RBFOX1: variants seen among roughly 807,000 people sequenced by gnomAD.
The protein encoded by RBFOX1 is RNA binding protein fox-1 homolog 1.
RBFOX1 carries 8 observed loss-of-function variants against 57.7 expected under a neutral mutation model. The observed-to-expected ratio is 0.14, with a 90% confidence interval of 0.08 to 0.25. RBFOX1 has a LOEUF of 0.25. Ranked by LOEUF, RBFOX1 falls within the 10% of genes least tolerant of loss-of-function variation. RBFOX1 has a pLI of 1.00. For missense variants in RBFOX1, 611 were observed against 548.5 expected (o/e 1.11, Z -1.14); for synonymous variants, 326 against 222.4 (o/e 1.47, Z -4.15).
At chr16:7,058,941 T>C (rs571913189) in intron 4 of RBFOX1, among the ~76,000 whole-genome samples, 1 of 152,334 alleles carries the variant, frequency 6.6e-6, no homozygotes, top group South Asian at 2.1e-4. Context: ...TGACTGAGTT[T>C]TTTAGAAATA....
At chr16:6,987,527 A>G (rs1254578431) in intron 3 of RBFOX1, among the ~76,000 whole-genome samples, 1 of 151,720 alleles carries the variant, frequency 6.6e-6, no homozygotes. Context: ...CACACATTGC[A>G]AACATAATCA....
chr16:6,306,689 A>G (rs17221544), intron 1 of RBFOX1, among the ~76,000 whole-genome samples: 1 of 151,992 alleles, frequency 6.6e-6, no homozygotes, highest in Non-Finnish European at 1.5e-5. Flanking sequence ...CTCCCAAACA[A>G]TTTTGTGCAA....
intron 2 of RBFOX1, among the ~76,000 whole-genome samples, chr16:6,554,725 GAC>G (rs34699308): frequency 0.018 from 2,719 of 148,244 alleles, 75 homozygotes; most frequent in South Asian, 0.069. Context: ...AGTAGACACA[GAC>G]ACACACACAC....
chr16:7,706,839 C>G (rs572639239), intron 14 of RBFOX1, among the ~76,000 whole-genome samples: 1 of 152,298 alleles, frequency 6.6e-6, no homozygotes, highest in East Asian at 1.9e-4. Context: ...ATGCCTGTTA[C>G]TATGTACTTC....
In RBFOX1 at chr16:6,211,391, G is replaced by A. The variant is rs562593508; in HGVS notation, c.-126-105604G>A. 2.0e-5 allele frequency among the ~76,000 whole-genome samples: 3 copies of A among 151,940 alleles called. No homozygotes were observed. The South Asian group carries it at 6.3e-4, about 32-fold the overall frequency. On this transcript the variant is annotated intron_variant, in intron 1 of 15. Transcript: ENST00000550418. ...CTACAGGTGCCCACCACCACACCCG[G>A]CTAATTTTTTGTACATTTAGTAGAG...
chr16:5,272,483 G>A lies in RBFOX1; in HGVS notation c.219+32378G>A, dbSNP rs573754387. ...CCACGAATGTTGAAGCCCTACCTGAGATTTCTACTGAGATCAGTGTAGGGA... is the reference window on the plus strand; with the variant it reads ...CCACGAATGTTGAAGCCCTACCTGAAATTTCTACTGAGATCAGTGTAGGGA... On this transcript the variant is annotated intron_variant, in intron 1 of 2. Transcript: ENST00000585867. 5.3e-5 allele frequency among the ~76,000 whole-genome samples: 8 copies of A among 152,286 alleles called. No individual in the cohort carries two copies. In the South Asian group the frequency reaches 1.5e-3, roughly 28 times the overall value.
downstream of RBFOX1, among the ~76,000 whole-genome samples, chr16:5,600,416 A>G (rs2047328141): frequency 6.8e-6 from 1 of 147,708 alleles, no homozygotes; most frequent in African/African-American, 2.5e-5. Context: ...AGCCCAGGAG[A>G]TGGAGGCTGC....
intron 4 of RBFOX1, among the ~76,000 whole-genome samples, chr16:7,164,325 A>G (rs147002998): frequency 1.3e-5 from 2 of 152,278 alleles, no homozygotes; most frequent in East Asian, 1.9e-4. Context: ...ATAGTATTCC[A>G]TGGTCTGTAT....
chr16:6,793,380 C>G (rs1603624654), intron 3 of RBFOX1, among the ~76,000 whole-genome samples: 1 of 151,966 alleles, frequency 6.6e-6, no homozygotes, highest in East Asian at 1.9e-4. Flanking sequence ...TGATTGGACT[C>G]TATAGGTTCA....
intron 4 of RBFOX1, among the ~76,000 whole-genome samples, chr16:7,329,537 AAG>A: frequency 6.6e-6 from 1 of 152,348 alleles, no homozygotes; most frequent in South Asian, 2.1e-4. Context: ...TGTTAAGAAA[AAG>A]AGGTTTTGTT....
At chr16:6,755,373 T>C (rs1227678515) in intron 3 of RBFOX1, among the ~76,000 whole-genome samples, 2 of 152,186 alleles carry the variant, frequency 1.3e-5, no homozygotes, top group African/African-American at 4.8e-5. Context: ...TGTTGTTTCC[T>C]GACTTTTTAA....
intron 3 of RBFOX1, among the ~76,000 whole-genome samples, chr16:6,999,660 A>G (rs978723416): frequency 6.6e-6 from 1 of 152,076 alleles, no homozygotes; most frequent in Non-Finnish European, 1.5e-5. Flanking sequence ...TTCCCCATCA[A>G]TATTTTGAAG....
At chr16:7,034,968 C>T (rs897762178) in intron 3 of RBFOX1, among the ~76,000 whole-genome samples, 3 of 149,360 alleles carry the variant, frequency 2.0e-5, no homozygotes, top group African/African-American at 7.5e-5. Context: ...CATTCCTCAG[C>T]CTCTGAGTAG....
intron 2 of RBFOX1, among the ~76,000 whole-genome samples, chr16:5,479,183 A>T (rs563574142): frequency 6.6e-6 from 1 of 152,140 alleles, no homozygotes; most frequent in African/African-American, 2.4e-5. Flanking sequence ...ATCTTCTGTC[A>T]TGGCCTCTGT....
At chr16:6,506,613 C>T (rs1002660178) in intron 2 of RBFOX1, among the ~76,000 whole-genome samples, 1 of 137,442 alleles carries the variant, frequency 7.3e-6, no homozygotes, top group African/African-American at 2.8e-5. Flanking sequence ...TAATAACAAT[C>T]ACAGTAGCTA....
chr16:6,015,237 C>T (rs1264057572), upstream of RBFOX1, among the ~76,000 whole-genome samples: 1 of 152,078 alleles, frequency 6.6e-6, no homozygotes, highest in African/African-American at 2.4e-5. Context: ...TAATATATCA[C>T]TGATAATCTC....
At chr16:7,031,511 A>G (rs1226940814) in intron 3 of RBFOX1, among the ~76,000 whole-genome samples, 2 of 151,836 alleles carry the variant, frequency 1.3e-5, no homozygotes, top group African/African-American at 4.8e-5. Context: ...CAGGAGAATC[A>G]CTTGAACCCG....
At chr16:6,677,231 C>T (rs762234323) in intron 3 of RBFOX1, among the ~76,000 whole-genome samples, 5 of 152,194 alleles carry the variant, frequency 3.3e-5, no homozygotes, top group Admixed American at 6.5e-5. Context: ...ACAGGTTTTC[C>T]GTGCTCTAGA....
At chr16:6,869,454 C>T (rs1010046037) in intron 3 of RBFOX1, among the ~76,000 whole-genome samples, 2 of 126,592 alleles carry the variant, frequency 1.6e-5, no homozygotes, top group Non-Finnish European at 3.2e-5. Flanking sequence ...GGAAGGAGTT[C>T]CCTTACTGTC....
Sources: gnomAD v4.1 joint callset for allele counts (sites outside exome capture counted in the v4.1 genomes callset) on GRCh38, gnomAD v4.1.1 for gene constraint, MANE v1.5 for transcripts, NCBI Gene and HGNC (gene_info 2026-07-23, HGNC 2026-07-21) for gene names.